The following ASB4 variants were observed in gnomAD, a reference collection of about 807,000 sequenced individuals.
ASB4 encodes the protein ankyrin repeat and SOCS box protein 4.
Under a neutral mutation model 38.6 loss-of-function variants are expected in ASB4, and 35 were observed. The ratio of observed to expected loss-of-function variants is 0.91; its 90% CI spans 0.69 to 1.20. The LOEUF (loss-of-function observed/expected upper bound fraction) is 1.20. Among genes scored for constraint, ASB4 ranks in the 50% most tolerant of loss-of-function variants. The pLI is 0.00. For missense variants in ASB4, 557 were observed against 527.2 expected, an observed-to-expected ratio of 1.06 and a Z score of -0.55; for synonymous variants, 195 against 201.3, an observed-to-expected ratio of 0.97 and a Z score of 0.26.
intron 3 of ASB4, among the ~76,000 whole-genome samples, chr7:95,534,485 AT>A (rs1381569657): frequency 6.6e-6 from 1 of 151,772 alleles, no homozygotes; most frequent in Non-Finnish European, 1.5e-5. Flanking sequence ...CTCCTATCTG[AT>A]TAGTATTAAG....
At chr7:95,500,814 G>A (rs982769816) in intron 2 of ASB4, among the ~76,000 whole-genome samples, 1 of 152,070 alleles carries the variant, frequency 6.6e-6, no homozygotes, top group African/African-American at 2.4e-5. Context: ...GGCACACAAG[G>A]TTTTCCTCTG....
At chr7:95,489,062 A>C (rs990430508) in intron 1 of ASB4, among the ~76,000 whole-genome samples, 1 of 152,222 alleles carries the variant, frequency 6.6e-6, no homozygotes, top group African/African-American at 2.4e-5. Flanking sequence ...GGATTTAAGA[A>C]GTAACTAAAT....
intron 1 of ASB4, among the ~76,000 whole-genome samples, chr7:95,487,011 A>G (rs1790100261): frequency 6.6e-6 from 1 of 152,214 alleles, no homozygotes. Flanking sequence ...TGTTTAATAC[A>G]ATATAGATGC....
At chr7:95,487,192 A>G (rs539850072) in intron 1 of ASB4, among the ~76,000 whole-genome samples, 9 of 152,328 alleles carry the variant, frequency 5.9e-5, no homozygotes, top group African/African-American at 1.9e-4. Flanking sequence ...TGAGGGACAT[A>G]TAGAAGAGCT....
intron 3 of ASB4, among the ~76,000 whole-genome samples, chr7:95,531,857 A>T (rs1790823800): frequency 6.6e-6 from 1 of 152,178 alleles, no homozygotes; most frequent in African/African-American, 2.4e-5. Context: ...CCTGTAAAGT[A>T]GGCATACAAT....
chr7:95,507,299 C>T (rs1790423805), intron 2 of ASB4, among the ~76,000 whole-genome samples: 1 of 151,502 alleles, frequency 6.6e-6, no homozygotes. Context: ...ACCTAAATGC[C>T]ATTATTCCAG....
Position 95,537,758 on chromosome 7 carries a change from A to C in ASB4, c.1280A>C (p.Ter427SerextTer3). 6.2e-7 allele frequency: 1 copy of C among 1,612,792 alleles called. No individual in the cohort carries two copies. Among genetic ancestry groups the C allele is most frequent in the Non-Finnish European group, 8.5e-7 (1 of 1,179,102 alleles). Residue 427 changes from the stop codon to serine, a stop_lost, in exon 5 of 5, where the codon TAA becomes TCA. Transcript: ENST00000325885. ...TTAGAGCCAGAGGGAATTATTTATT[A>C]AGCCTTATGAGACAGCAGTTCCCAA... ...LLLEPEGIIY[*>S] is the part of the protein sequence containing the mutation.
Position 95,527,884 on chromosome 7 carries a change from C to G in ASB4, c.559C>G (p.Leu187Val), listed in dbSNP as rs1204106445. The change falls in exon 3 of 5, where the codon CTT becomes GTT. Residue 187 changes from leucine (L) to valine (V), a missense_variant. Transcript: ENST00000325885. ...CTTGCACACGGCTGCCCACTTCGGC[C>G]TTTCGGAGCTGGTGGCCTTCTACGT... ...TPLHTAAHFGLSELVAFYVEH... is the reference protein window; with the variant it reads ...TPLHTAAHFGVSELVAFYVEH... 1 of 1,613,932 alleles carries G rather than the reference C, an allele frequency of 6.2e-7. No individual in the cohort carries two copies. Among genetic ancestry groups the G allele is most frequent in the Non-Finnish European group, 8.5e-7 (1 of 1,179,960 alleles).
At chr7:95,534,784 AG>A (rs758083536) in intron 3 of ASB4, among the ~76,000 whole-genome samples, 6 of 152,222 alleles carry the variant, frequency 3.9e-5, no homozygotes, top group Admixed American at 6.5e-5. Flanking sequence ...GACAAAAAAC[AG>A]GTCATAAATC....
chr7:95,533,173 C>T (rs1790841658), intron 3 of ASB4, among the ~76,000 whole-genome samples: 1 of 152,086 alleles, frequency 6.6e-6, no homozygotes, highest in Admixed American at 6.6e-5. Context: ...ACTCTGTCTG[C>T]CAGGGAGAGG....
intron 2 of ASB4, among the ~76,000 whole-genome samples, chr7:95,520,008 C>T (rs1025110881): frequency 1.3e-5 from 2 of 151,968 alleles, no homozygotes; most frequent in African/African-American, 4.8e-5. Flanking sequence ...AAAAAACATG[C>T]CTTGTTTGGA....
intron 3 of ASB4, among the ~76,000 whole-genome samples, chr7:95,532,274 C>T (rs1212462760): frequency 6.6e-6 from 1 of 152,170 alleles, no homozygotes; most frequent in Non-Finnish European, 1.5e-5. Flanking sequence ...AAGATGTTTT[C>T]TTCCAAATAC....
chr7:95,540,800 A>G (rs1790960695), downstream of ASB4, among the ~76,000 whole-genome samples: 1 of 152,194 alleles, frequency 6.6e-6, no homozygotes, highest in African/African-American at 2.4e-5. Flanking sequence ...TTATGTCTCT[A>G]CTTTGTCCTT....
chr7:95,515,764 C>A (rs932667963), intron 2 of ASB4, among the ~76,000 whole-genome samples: 2 of 152,174 alleles, frequency 1.3e-5, no homozygotes, highest in African/African-American at 4.8e-5. Flanking sequence ...CCCTGGTATT[C>A]CCCCTGGACT....
chr7:95,549,981 C>T, the ASB4 span, among the ~76,000 whole-genome samples: 1 of 152,170 alleles, frequency 6.6e-6, no homozygotes, highest in Non-Finnish European at 1.5e-5. Context: ...GTAATCATGC[C>T]TGGCCAAATC....
chr7:95,528,403 G>C (rs1486292332), intron 3 of ASB4, 100 bp downstream of exon 3: 4 of 1,573,134 alleles, frequency 2.5e-6, no homozygotes, highest in Non-Finnish European at 2.6e-6. Context: ...CTTGAGTCCT[G>C]GGCTAACTAC....
At chr7:95,516,443 T>C (rs536698897) in intron 2 of ASB4, among the ~76,000 whole-genome samples, 3 of 152,322 alleles carry the variant, frequency 2.0e-5, no homozygotes, top group Non-Finnish European at 2.9e-5. Context: ...AAAGATATCC[T>C]TTCTTTAAGG....
chr7:95,476,052 T>G (rs1480796132), upstream of ASB4, among the ~76,000 whole-genome samples: 1 of 152,234 alleles, frequency 6.6e-6, no homozygotes, highest in Non-Finnish European at 1.5e-5. Flanking sequence ...GATCTTTCCT[T>G]TTTATAATGC....
chr7:95,547,726 G>T, the ASB4 span, among the ~76,000 whole-genome samples: 1 of 152,210 alleles, frequency 6.6e-6, no homozygotes, highest in Non-Finnish European at 1.5e-5. Context: ...GAGTAAAGCA[G>T]ATCACTCTCC....
Sources: gnomAD v4.1 joint callset for allele counts (sites outside exome capture counted in the v4.1 genomes callset) on GRCh38, gnomAD v4.1.1 for gene constraint, MANE v1.5 for transcripts, NCBI Gene and HGNC (gene_info 2026-07-23, HGNC 2026-07-21) for gene names.